Variants in ARHGAP44 observed in about 807,000 individuals in gnomAD.
ARHGAP44 encodes Rho GTPase activating protein 44.
Under a neutral mutation model 106.8 loss-of-function variants are expected in ARHGAP44, and 43 were observed. That is an observed-to-expected ratio of 0.40 (90% CI 0.32 to 0.52). ARHGAP44 has a LOEUF of 0.52. Ranked by LOEUF, ARHGAP44 falls within the 20% of genes least tolerant of loss-of-function variation. The pLI is 0.48. For synonymous variants in ARHGAP44, 439 were observed against 410.3 expected, an observed-to-expected ratio of 1.07 and a Z score of -0.85; for missense variants, 866 against 1,050.5, an observed-to-expected ratio of 0.82 and a Z score of 2.43.
At chr17:12,900,289 C>T (rs979702580) in intron 3 of ARHGAP44, among the ~76,000 whole-genome samples, 28 of 151,994 alleles carry the variant, frequency 1.8e-4, no homozygotes, top group African/African-American at 6.0e-4. Context: ...ACCTCCACGC[C>T]CAGATAATTT....
intron 3 of ARHGAP44, among the ~76,000 whole-genome samples, chr17:12,901,255 G>A (rs1041614496): frequency 2.6e-5 from 4 of 152,032 alleles, no homozygotes; most frequent in African/African-American, 9.7e-5. Flanking sequence ...CATAAAGGTG[G>A]CCAGAGTGAC....
intron 3 of ARHGAP44, among the ~76,000 whole-genome samples, chr17:12,905,237 G>T (rs2037512701): frequency 6.6e-6 from 1 of 151,990 alleles, no homozygotes; most frequent in South Asian, 2.1e-4. Context: ...AATGAGATAG[G>T]GCAGGAGGGA....
At chr17:12,851,390 G>A (rs1179056814) in intron 1 of ARHGAP44, among the ~76,000 whole-genome samples, 2 of 152,130 alleles carry the variant, frequency 1.3e-5, no homozygotes, top group East Asian at 1.9e-4. Context: ...TGTGCTTGCC[G>A]TCGAGGACCC....
chr17:12,851,442 C>T (rs1012049521), intron 1 of ARHGAP44, among the ~76,000 whole-genome samples: 17 of 143,256 alleles, frequency 1.2e-4, no homozygotes, highest in African/African-American at 4.7e-4. Context: ...CTCCATGACA[C>T]ATGGGCCATT....
At chr17:12,965,213 G>T (rs76234115) in intron 16 of ARHGAP44, among the ~76,000 whole-genome samples, 15,277 of 152,210 alleles carry the variant, frequency 0.1, 893 homozygotes, top group South Asian at 0.2. Context: ...ACCTCAGGCC[G>T]TGATTCTCAG....
intron 1 of ARHGAP44, among the ~76,000 whole-genome samples, chr17:12,845,816 G>A (rs1018080185): frequency 2.6e-5 from 4 of 152,064 alleles, no homozygotes; most frequent in African/African-American, 7.2e-5. Context: ...ACACACACAC[G>A]TGCACTGTAA....
chr17:12,824,901 G>A (rs1213696144), intron 1 of ARHGAP44, among the ~76,000 whole-genome samples: 1 of 151,634 alleles, frequency 6.6e-6, no homozygotes, highest in Admixed American at 6.6e-5. Context: ...TATCACTTTT[G>A]GGGAAGATTT....
intron 3 of ARHGAP44, among the ~76,000 whole-genome samples, chr17:12,897,710 CTTTTT>C (rs71980749): frequency 9.2e-6 from 1 of 108,940 alleles, no homozygotes; most frequent in Non-Finnish European, 1.8e-5. Flanking sequence ...TGATCTGTGT[CTTTTT>C]TTTTTTTTTT....
chr17:12,935,624 G>C (rs1401743533), intron 7 of ARHGAP44, among the ~76,000 whole-genome samples: 2 of 151,584 alleles, frequency 1.3e-5, no homozygotes, highest in Admixed American at 6.6e-5. Context: ...AATAGATAAA[G>C]GTGAGATAAA....
At chr17:12,985,139 G>C in intron 20 of ARHGAP44, 1 of 524,034 alleles carries the variant, frequency 1.9e-6, no homozygotes, top group East Asian at 3.2e-5. Flanking sequence ...CTCGGTCTAA[G>C]CCCACCAGCC....
chr17:12,926,728 T>G (rs1381942015), intron 6 of ARHGAP44, among the ~76,000 whole-genome samples: 1 of 151,804 alleles, frequency 6.6e-6, no homozygotes, highest in Non-Finnish European at 1.5e-5. Flanking sequence ...AGTATGATTC[T>G]GTTTTTTAAA....
At chr17:12,884,103 A>G (rs926099685) in intron 1 of ARHGAP44, among the ~76,000 whole-genome samples, 6 of 151,970 alleles carry the variant, frequency 3.9e-5, no homozygotes, top group African/African-American at 7.2e-5. Flanking sequence ...ATAGGCTGGT[A>G]TATGTTTTTA....
At chr17:12,906,190 C>A (rs2037540378) in intron 3 of ARHGAP44, among the ~76,000 whole-genome samples, 1 of 152,154 alleles carries the variant, frequency 6.6e-6, no homozygotes, top group Admixed American at 6.5e-5. Flanking sequence ...AATATTATGC[C>A]TGCTTCTCTG....
At chr17:12,828,636 C>CTTTTTTTTTTTTTTTTTT (rs34860101) in intron 1 of ARHGAP44, among the ~76,000 whole-genome samples, 1 of 93,268 alleles carries the variant, frequency 1.1e-5, no homozygotes, top group African/African-American at 4.5e-5. Flanking sequence ...TTTTTTCTTT[C>CTTTTTTTTTTTTTTTTTT]TTTTTTTTTT....
intron 1 of ARHGAP44, among the ~76,000 whole-genome samples, chr17:12,833,525 C>T (rs1347577590): frequency 6.6e-6 from 1 of 152,162 alleles, no homozygotes; most frequent in Non-Finnish European, 1.5e-5. Flanking sequence ...CCACCTGGTC[C>T]TGCTCTTCCT....
At chr17:12,913,717 T>TAACA (rs1333621738) in intron 4 of ARHGAP44, among the ~76,000 whole-genome samples, 1 of 151,242 alleles carries the variant, frequency 6.6e-6, no homozygotes, top group Admixed American at 6.6e-5. Context: ...CCTGTAATCC[T>TAACA]AACACTTTGG....
intron 1 of ARHGAP44, among the ~76,000 whole-genome samples, chr17:12,792,783 A>G (rs1198841274): frequency 1.3e-5 from 2 of 152,204 alleles, no homozygotes; most frequent in Non-Finnish European, 2.9e-5. Flanking sequence ...CATTTTAACA[A>G]TGTAGGAGTT....
intron 1 of ARHGAP44, among the ~76,000 whole-genome samples, chr17:12,798,054 C>T (rs950828678): frequency 4.6e-5 from 7 of 152,134 alleles, no homozygotes; most frequent in South Asian, 2.1e-4. Context: ...TCTTAACAGC[C>T]GCCTTCATGA....
Position 12,990,035 on chromosome 17 carries a change from T to G in ARHGAP44, c.2321T>G (p.Leu774Arg). 6.2e-7 allele frequency: 1 copy of G among 1,601,518 alleles called. No individual in the cohort carries two copies. Among genetic ancestry groups the G allele is most frequent in the South Asian group, 1.1e-5 (1 of 90,838 alleles). ...CTCTCTCTCTGCCGCCTTCCAGATC[T>G]TGTCCACTTTGATATTCCCTCGATC... ...MSPGESMSTD[L>R]VHFDIPSIHI... Residue 774 changes from leucine (L) to arginine (R), a missense_variant, in exon 21 of 21, where the codon CTT becomes CGT. Physicochemically the swap from Leu to Arg is moderately radical, Grantham distance 102. Transcript: ENST00000379672.
Sources: allele counts gnomAD v4.1 joint callset (sites outside exome capture counted in the v4.1 genomes callset), GRCh38; gene constraint gnomAD v4.1.1; transcripts MANE v1.5; gene names NCBI Gene and HGNC (gene_info 2026-07-23, HGNC 2026-07-21).